GRID2: variants seen among roughly 807,000 people sequenced by gnomAD.
GRID2 encodes the protein glutamate ionotropic receptor delta type subunit 2.
Under a neutral mutation model 114.8 loss-of-function variants are expected in GRID2, and 33 were observed. The ratio of observed to expected loss-of-function variants is 0.29; its 90% CI spans 0.22 to 0.38. The LOEUF (loss-of-function observed/expected upper bound fraction) is 0.38, where lower values mean the gene tolerates loss of function less well. GRID2 is among the 10% of genes least tolerant of loss of function. The probability of loss-of-function intolerance (pLI) is 1.00; values close to 1 mark genes in which losing one functional copy is unlikely to be tolerated. For missense variants in GRID2, 1,184 were observed against 1,257.7 expected (o/e 0.94, Z 0.89); for synonymous variants, 505 against 449.9 (o/e 1.12, Z -1.55).
Position 92,892,806 on chromosome 4 carries a change from A to G in GRID2, c.245-192189A>G, listed in dbSNP as rs1746882101. On this transcript the variant is annotated intron_variant, in intron 2 of 15. Coordinates refer to ENST00000282020, the MANE Select transcript of GRID2 (RefSeq NM_001510.4). ...GTCTTGCCAAATGATCTACTCTTCT[A>G]CTGTGAAAACCATAGATTATTACAG... 2.0e-5 allele frequency among the ~76,000 whole-genome samples: 3 copies of G among 152,342 alleles called. No homozygotes were observed. The South Asian group carries it at 6.2e-4, about 32-fold the overall frequency.
intron 14 of GRID2, among the ~76,000 whole-genome samples, chr4:93,762,543 A>T (rs1025368414): frequency 2.0e-5 from 3 of 152,132 alleles, no homozygotes; most frequent in African/African-American, 7.2e-5. Context: ...TATTCAGGAG[A>T]GGAAAGGAAG....
chr4:92,921,574 C>A (rs1295575800), intron 2 of GRID2, among the ~76,000 whole-genome samples: 1 of 152,130 alleles, frequency 6.6e-6, no homozygotes, highest in Non-Finnish European at 1.5e-5. Context: ...CAGTCAGGAC[C>A]CTCAGCTGCA....
At chr4:92,755,726 G>C (rs530092075) in intron 2 of GRID2, among the ~76,000 whole-genome samples, 4 of 152,280 alleles carry the variant, frequency 2.6e-5, no homozygotes, top group Admixed American at 2.6e-4. Flanking sequence ...TATCATAGAA[G>C]TAAGTACCCT....
intron 1 of GRID2, among the ~76,000 whole-genome samples, chr4:92,425,608 T>C (rs1170893054): frequency 6.6e-6 from 1 of 152,124 alleles, no homozygotes; most frequent in Admixed American, 6.6e-5. Context: ...TGACCACCTC[T>C]TCTGTAGTAT....
chr4:92,697,885 GAGAT>G (rs943695863), intron 2 of GRID2, among the ~76,000 whole-genome samples: 5 of 152,028 alleles, frequency 3.3e-5, no homozygotes, highest in Admixed American at 1.3e-4. Flanking sequence ...AATATAAACT[GAGAT>G]AGCATGAGAG....
chr4:92,770,924 A>C (rs1465040064), intron 2 of GRID2, among the ~76,000 whole-genome samples: 4 of 152,122 alleles, frequency 2.6e-5, no homozygotes, highest in Non-Finnish European at 4.4e-5. Flanking sequence ...TTTCATAAGA[A>C]TCTTTGTTAT....
intron 7 of GRID2, among the ~76,000 whole-genome samples, chr4:93,234,418 C>T (rs565956173): frequency 1.3e-5 from 2 of 152,026 alleles, no homozygotes; most frequent in Non-Finnish European, 2.9e-5. Context: ...CTCAGTTAAC[C>T]GGTTGACTTA....
intron 2 of GRID2, among the ~76,000 whole-genome samples, chr4:93,029,820 G>T (rs1724224678): frequency 6.6e-6 from 1 of 152,192 alleles, no homozygotes; most frequent in African/African-American, 2.4e-5. Context: ...AGCTTCTTCT[G>T]CCCAGTCTCT....
chr4:92,748,212 G>A (rs1261112361), intron 2 of GRID2, among the ~76,000 whole-genome samples: 1 of 151,984 alleles, frequency 6.6e-6, no homozygotes, highest in Non-Finnish European at 1.5e-5. Flanking sequence ...GCATGTATTA[G>A]AAAAATATAA....
chr4:93,066,414 A>T (rs892953952), intron 2 of GRID2, among the ~76,000 whole-genome samples: 1 of 151,946 alleles, frequency 6.6e-6, no homozygotes, highest in African/African-American at 2.4e-5. Context: ...TTCAATCAGC[A>T]GTTCTCTCTG....
chr4:93,601,989 TC>T (rs1189482884), intron 13 of GRID2, among the ~76,000 whole-genome samples: 1 of 152,200 alleles, frequency 6.6e-6, no homozygotes, highest in Non-Finnish European at 1.5e-5. Context: ...TGAACTATCA[TC>T]ACCTTAAAAT....
intron 13 of GRID2, among the ~76,000 whole-genome samples, chr4:93,611,228 G>A (rs1388201685): frequency 2.9e-5 from 3 of 101,814 alleles, no homozygotes; most frequent in Admixed American, 9.5e-5. Context: ...AGTCTTGCTA[G>A]CGGTCTATCA....
intron 8 of GRID2, among the ~76,000 whole-genome samples, chr4:93,268,620 A>T (rs895125570): frequency 6.6e-6 from 1 of 152,200 alleles, no homozygotes; most frequent in African/African-American, 2.4e-5. Flanking sequence ...TAGATTTCAT[A>T]ATGTCTGCCA....
chr4:93,315,957 G>A (rs145082304), intron 8 of GRID2, among the ~76,000 whole-genome samples: 4 of 152,006 alleles, frequency 2.6e-5, no homozygotes, highest in Non-Finnish European at 4.4e-5. Flanking sequence ...TACCTAATTT[G>A]TATTAAAGAG....
chr4:92,872,487 G>A (rs982502361), intron 2 of GRID2, among the ~76,000 whole-genome samples: 2 of 151,852 alleles, frequency 1.3e-5, no homozygotes, highest in Non-Finnish European at 2.9e-5. Context: ...AATTTTTCTA[G>A]AATTGTAGAA....
chr4:93,775,364 A>T (rs1468439321), downstream of GRID2, among the ~76,000 whole-genome samples: 2 of 152,144 alleles, frequency 1.3e-5, no homozygotes, highest in East Asian at 3.9e-4. Flanking sequence ...CTTCAATCAC[A>T]CCAACATAGG....
intron 4 of GRID2, among the ~76,000 whole-genome samples, chr4:93,193,898 C>G (rs1232888231): frequency 6.6e-6 from 1 of 152,182 alleles, no homozygotes; most frequent in Non-Finnish European, 1.5e-5. Context: ...GGCCTCAACT[C>G]TAGTAACAGA....
chr4:92,433,394 A>G (rs1295233046), intron 1 of GRID2, among the ~76,000 whole-genome samples: 1 of 152,214 alleles, frequency 6.6e-6, no homozygotes, highest in African/African-American at 2.4e-5. Context: ...TTTAGCCTGC[A>G]ATGGCGGTGC....
At chr4:92,545,224 G>C (rs901322109) in intron 1 of GRID2, among the ~76,000 whole-genome samples, 2 of 152,044 alleles carry the variant, frequency 1.3e-5, no homozygotes, top group Admixed American at 6.6e-5. Context: ...AAAAAAATGT[G>C]TGGTAGATGC....
Sources: gnomAD v4.1 joint callset for allele counts (sites outside exome capture counted in the v4.1 genomes callset) on GRCh38, gnomAD v4.1.1 for gene constraint, MANE v1.5 for transcripts, NCBI Gene and HGNC (gene_info 2026-07-23, HGNC 2026-07-21) for gene names.